Variants in CHD9 observed in about 807,000 individuals in gnomAD.
The protein encoded by CHD9 is chromodomain helicase DNA binding protein 9.
A neutral mutation model predicts 316.1 loss-of-function variants in CHD9; 77 were observed. That is an observed-to-expected ratio of 0.24 (90% CI 0.20 to 0.29). The LOEUF (loss-of-function observed/expected upper bound fraction) is 0.29. Among genes scored for constraint, CHD9 ranks in the 10% least tolerant of loss-of-function variants. The pLI is 1.00. For missense variants in CHD9, 2,763 were observed against 3,438.1 expected (o/e 0.80, Z 4.91); for synonymous variants, 1,129 against 1,158.3 (o/e 0.97, Z 0.51).
rs1285697653 is a variant in CHD9 at position 53,156,855 on chromosome 16, T to A, written c.766T>A (p.Ser256Thr). The A allele has an allele frequency of 6.2e-7, 1 of 1,613,674 alleles. No homozygotes were observed. Among genetic ancestry groups the A allele is most frequent in the South Asian group, 1.1e-5 (1 of 91,078 alleles). The change falls in exon 2 of 39, where the codon TCC becomes ACC. Residue 256 changes from serine to threonine, a missense_variant. Ser to Thr is a moderately conservative substitution (Grantham distance 58, BLOSUM62 1). Around this residue, in one of 15 missense-constraint regions of CHD9, gnomAD observed 859 missense variants for 890.4 expected, o/e 0.96. Coordinates refer to ENST00000447540, the MANE Select transcript of CHD9 (RefSeq NM_001308319.2). The stretch of plus-strand genomic sequence containing the variant: ...TCAAGAAGGAAATTTTAATGGACCT[T>A]CCCCAAATATGACTTCTTGTTCTGT... ...SHQEGNFNGPSPNMTSCSVSN... is the reference protein window; with the variant it reads ...SHQEGNFNGPTPNMTSCSVSN...
At chr16:53,130,230 T>C (rs1462357224) in intron 1 of CHD9, among the ~76,000 whole-genome samples, 1 of 151,664 alleles carries the variant, frequency 6.6e-6, no homozygotes, top group Non-Finnish European at 1.5e-5. Flanking sequence ...CGCAGCATCA[T>C]CGCGACACGC....
chr16:53,063,844 T>TTG (rs1233129780), intron 1 of CHD9, among the ~76,000 whole-genome samples: 4 of 149,558 alleles, frequency 2.7e-5, no homozygotes, highest in South Asian at 2.1e-4. Flanking sequence ...TTTTTTTTTT[T>TTG]TTTTAAGAAA....
intron 2 of CHD9, among the ~76,000 whole-genome samples, chr16:53,199,600 T>C (rs1173049779): frequency 6.6e-6 from 1 of 152,198 alleles, no homozygotes; most frequent in East Asian, 1.9e-4. Flanking sequence ...TCCCTGACTC[T>C]GCTGCCACCC....
intron 2 of CHD9, among the ~76,000 whole-genome samples, chr16:53,179,127 G>A (rs1234017258): frequency 6.6e-6 from 1 of 152,182 alleles, no homozygotes; most frequent in African/African-American, 2.4e-5. Context: ...GTGTATATAG[G>A]ATAGATTTTG....
intron 1 of CHD9, among the ~76,000 whole-genome samples, chr16:53,072,687 ATTTTTTTAT>A (rs1339718440): frequency 2.7e-5 from 4 of 150,282 alleles, no homozygotes; most frequent in East Asian, 1.9e-4. Flanking sequence ...ATAACTTTTT[ATTTTTTTAT>A]TTTTTTTATT....
chr16:53,184,836 TTCTCACGAGA>T (rs1567440746), intron 2 of CHD9, among the ~76,000 whole-genome samples: 4 of 152,214 alleles, frequency 2.6e-5, no homozygotes, highest in South Asian at 4.1e-4. Flanking sequence ...ATTGAGTTAG[TTCTCACGAGA>T]TCTCACAAGC....
chr16:53,063,358 T>TCA (rs67988137), intron 1 of CHD9, among the ~76,000 whole-genome samples: 15,824 of 136,920 alleles, frequency 0.12, 934 homozygotes, highest in Non-Finnish European at 0.14. Flanking sequence ...CTCATAAATT[T>TCA]CACACACACA....
At chr16:53,268,390 T>C (rs1032471111) in intron 22 of CHD9, among the ~76,000 whole-genome samples, 1 of 152,222 alleles carries the variant, frequency 6.6e-6, no homozygotes, top group Non-Finnish European at 1.5e-5. Flanking sequence ...CAGATAGATC[T>C]ATCTCATTTT....
chr16:53,147,112 A>G (rs1005895932), intron 1 of CHD9, among the ~76,000 whole-genome samples: 2 of 152,154 alleles, frequency 1.3e-5, no homozygotes, highest in Admixed American at 6.5e-5. Flanking sequence ...CTTTAAGATA[A>G]TATGTAAACT....
At chr16:53,272,270 T>C (rs2052348943) in intron 22 of CHD9, among the ~76,000 whole-genome samples, 1 of 151,376 alleles carries the variant, frequency 6.6e-6, no homozygotes, top group Admixed American at 6.6e-5. Context: ...TACCTAATAA[T>C]TAAAAAGAAT....
intron 1 of CHD9, among the ~76,000 whole-genome samples, chr16:53,072,698 T>A (rs1342187725): frequency 2.0e-5 from 3 of 151,570 alleles, no homozygotes; most frequent in Non-Finnish European, 4.4e-5. Flanking sequence ...TTTTTTTATT[T>A]TTTTTATTTT....
At position 53,196,846 on chromosome 16, in the gene CHD9, C is replaced by T. The variant is rs1050408251; in HGVS notation, c.1453-12636C>T. 1.4e-4 allele frequency among the ~76,000 whole-genome samples: 22 copies of T among 152,132 alleles called. 1 individual carries two copies. Among genetic ancestry groups the T allele is most frequent in the Admixed American group, 5.9e-4 (9 of 15,270 alleles). ...TTTATGTGAATCATCTCCAGTGAAACTAAGTTTTGTTTTTTCTCATATATT... is the reference window on the plus strand; with the variant it reads ...TTTATGTGAATCATCTCCAGTGAAATTAAGTTTTGTTTTTTCTCATATATT... On this transcript the variant is annotated intron_variant, in intron 2 of 38. Coordinates refer to ENST00000447540, the MANE Select transcript of CHD9 (RefSeq NM_001308319.2).
chr16:53,214,621 A>T (rs773540471), intron 3 of CHD9, among the ~76,000 whole-genome samples: 2 of 152,200 alleles, frequency 1.3e-5, no homozygotes, highest in African/African-American at 2.4e-5. Flanking sequence ...AATCTGAAGC[A>T]TCTTTATCCT....
At chr16:53,290,543 C>T (rs564837984) in intron 27 of CHD9, among the ~76,000 whole-genome samples, 1 of 151,862 alleles carries the variant, frequency 6.6e-6, no homozygotes, top group Non-Finnish European at 1.5e-5. Context: ...TAATCCAGCA[C>T]TTTGGGAGGC....
At chr16:53,130,658 A>G (rs985923682) in intron 1 of CHD9, among the ~76,000 whole-genome samples, 1 of 151,394 alleles carries the variant, frequency 6.6e-6, no homozygotes, top group Non-Finnish European at 1.5e-5. Context: ...TAACCGCGCC[A>G]GCGATTGGGT....
At chr16:53,150,554 A>G (rs925428714) in intron 1 of CHD9, among the ~76,000 whole-genome samples, 1 of 152,212 alleles carries the variant, frequency 6.6e-6, no homozygotes, top group African/African-American at 2.4e-5. Context: ...ATTTACCTAT[A>G]TAATTACCTT....
At chr16:53,159,113 A>G (rs1597210961) in intron 2 of CHD9, among the ~76,000 whole-genome samples, 1 of 152,066 alleles carries the variant, frequency 6.6e-6, no homozygotes, top group African/African-American at 2.4e-5. Context: ...TGTCTCTACA[A>G]TAAATACATT....
chr16:53,104,074 C>T (rs1377351137), intron 1 of CHD9, among the ~76,000 whole-genome samples: 2 of 152,200 alleles, frequency 1.3e-5, no homozygotes, highest in Non-Finnish European at 2.9e-5. Flanking sequence ...CGTGGAGCTG[C>T]TCCTCTTCCC....
intron 27 of CHD9, 119 bp from the exon 28 acceptor site, chr16:53,291,606 T>A (rs1453155505): frequency 1.6e-6 from 1 of 629,544 alleles, no homozygotes; most frequent in East Asian, 3.1e-5. Flanking sequence ...AAATTAATTA[T>A]TTAACATTCC....
Sources: allele counts gnomAD v4.1 joint callset (sites outside exome capture counted in the v4.1 genomes callset), GRCh38; gene constraint gnomAD v4.1.1; regional missense constraint gnomAD v4.1.1; transcripts MANE v1.5; gene names NCBI Gene and HGNC (gene_info 2026-07-23, HGNC 2026-07-21).